The following TNR variants were observed in gnomAD, a reference collection of about 807,000 sequenced individuals.
TNR encodes the protein tenascin-R.
TNR carries 45 observed loss-of-function variants against 150.4 expected under a neutral mutation model. The ratio of observed to expected loss-of-function variants is 0.30; its 90% CI spans 0.24 to 0.38. The LOEUF is 0.38. Among genes scored for constraint, TNR ranks in the 10% least tolerant of loss-of-function variants. The pLI, the probability that TNR is intolerant of heterozygous loss-of-function variation, is 1.00. For synonymous variants in TNR, 687 were observed against 678.4 expected, an observed-to-expected ratio of 1.01 and a Z score of -0.20; for missense variants, 1,544 against 1,759.1, an observed-to-expected ratio of 0.88 and a Z score of 2.19.
intron 2 of TNR, among the ~76,000 whole-genome samples, chr1:175,464,078 A>C (rs1416955375): frequency 6.6e-6 from 1 of 152,266 alleles, no homozygotes; most frequent in Non-Finnish European, 1.5e-5. Flanking sequence ...CTTGATCCTC[A>C]CATGACTAAT....
At chr1:175,510,655 A>G (rs1659131786) in intron 2 of TNR, among the ~76,000 whole-genome samples, 2 of 152,250 alleles carry the variant, frequency 1.3e-5, no homozygotes, top group South Asian at 4.1e-4. Flanking sequence ...TCAGGAAACT[A>G]TAAAAAGAAG....
chr1:175,404,314 G>C (rs1282274188), intron 3 of TNR, among the ~76,000 whole-genome samples: 3 of 152,122 alleles, frequency 2.0e-5, no homozygotes, highest in Admixed American at 2.0e-4. Context: ...CTCCCTCCCT[G>C]CCTGCCATCT....
intron 1 of TNR, among the ~76,000 whole-genome samples, chr1:175,675,796 C>T (rs1006361733): frequency 6.6e-6 from 1 of 152,136 alleles, no homozygotes; most frequent in Non-Finnish European, 1.5e-5. Flanking sequence ...ACAGCTGTCA[C>T]TTTCATTCTG....
chr1:175,564,722 C>G (rs1661571539), intron 1 of TNR, among the ~76,000 whole-genome samples: 2 of 152,100 alleles, frequency 1.3e-5, no homozygotes. Flanking sequence ...CTGAACACAC[C>G]TACACACTGA....
chr1:175,690,170 C>T (rs542833734), intron 1 of TNR, among the ~76,000 whole-genome samples: 35 of 145,194 alleles, frequency 2.4e-4, no homozygotes, highest in Admixed American at 8.7e-4. Flanking sequence ...ATTACATTGC[C>T]GTGGATCTTT....
chr1:175,663,182 G>A (rs186191528), intron 1 of TNR, among the ~76,000 whole-genome samples: 10 of 152,212 alleles, frequency 6.6e-5, no homozygotes, highest in Admixed American at 1.3e-4. Context: ...TCCCCAAGCC[G>A]CCACGCTGGC....
Position 175,335,827 on chromosome 1 carries a change from A to C in TNR, c.3535-20T>G, listed in dbSNP as rs1424103539. 20 of 1,598,092 alleles carry C rather than the reference A, an allele frequency of 1.3e-5. No individual in the cohort carries two copies. The highest frequency in any genetic ancestry group is 1.5e-5 in the Non-Finnish European group (18 of 1,174,142). On this transcript the variant is annotated intron_variant, in intron 19 of 22. Coordinates refer to ENST00000367674, the MANE Select transcript of TNR (RefSeq NM_003285.3). The stretch of plus-strand genomic sequence containing the variant: ...GAATACCTATGAAGGAAATAAAAAA[A>C]CAAAAAACAAACAAACAAAAAAACA...
At chr1:175,521,624 T>A (rs1659642134) in intron 2 of TNR, among the ~76,000 whole-genome samples, 1 of 152,232 alleles carries the variant, frequency 6.6e-6, no homozygotes, top group African/African-American at 2.4e-5. Context: ...CTGTTTTCTC[T>A]TCTCTTTCAT....
intron 2 of TNR, among the ~76,000 whole-genome samples, chr1:175,487,047 C>T (rs145681667): frequency 2.4e-4 from 37 of 152,140 alleles, no homozygotes; most frequent in East Asian, 2.3e-3. Flanking sequence ...GGGTAGATTG[C>T]GAAATTTTTC....
chr1:175,362,100 A>G (rs1372284836), intron 14 of TNR, among the ~76,000 whole-genome samples: 1 of 152,194 alleles, frequency 6.6e-6, no homozygotes, highest in African/African-American at 2.4e-5. Context: ...CATGAGCTAC[A>G]CGGTGCCCCT....
intron 1 of TNR, among the ~76,000 whole-genome samples, chr1:175,635,456 C>T (rs1449873618): frequency 7.2e-5 from 11 of 152,328 alleles, no homozygotes. Context: ...AGTGAGTTTT[C>T]TTATCATGAC....
At chr1:175,526,909 C>G (rs1375114291) in intron 2 of TNR, among the ~76,000 whole-genome samples, 5 of 152,206 alleles carry the variant, frequency 3.3e-5, no homozygotes, top group Non-Finnish European at 7.3e-5. Flanking sequence ...AAGCTATGTT[C>G]TCCTGTGAGG....
chr1:175,415,932 G>T (rs762373308), intron 2 of TNR, among the ~76,000 whole-genome samples: 6 of 152,102 alleles, frequency 3.9e-5, no homozygotes, highest in Non-Finnish European at 8.8e-5. Context: ...ACTGCTGGGG[G>T]TGGGGGCGCC....
At chr1:175,451,224 TTA>T (rs1225402830) in intron 2 of TNR, among the ~76,000 whole-genome samples, 64 of 150,764 alleles carry the variant, frequency 4.2e-4, no homozygotes, top group African/African-American at 1.4e-3. Context: ...TTTAATGTTT[TTA>T]TTTTTTTATT....
chr1:175,504,038 C>T (rs898234397), intron 2 of TNR, among the ~76,000 whole-genome samples: 5 of 152,092 alleles, frequency 3.3e-5, no homozygotes, highest in Admixed American at 1.3e-4. Context: ...GCGGGGTGTA[C>T]GAAGAAGGCT....
intron 20 of TNR, chr1:175,330,628 CA>C (rs1434523629): frequency 1.3e-5 from 2 of 158,232 alleles, no homozygotes; most frequent in Non-Finnish European, 2.8e-5. Context: ...TGATCGAAAG[CA>C]AGAGGTGAAA....
Position 175,416,143 on chromosome 1 carries a change from C to CACACACTA in TNR, c.-63-9367_-63-9366insTAGTGTGT, listed in dbSNP as rs1553218057. On this transcript the variant is annotated intron_variant, in intron 2 of 22. Coordinates refer to ENST00000367674, the MANE Select transcript of TNR (RefSeq NM_003285.3). ...ATATATATATATACACACACACACA[C>CACACACTA]TATATATATAAAACACATATACAAA... Among the ~76,000 whole-genome samples, 3 of 151,566 alleles carry CACACACTA rather than the reference C, an allele frequency of 2.0e-5. No individual in the cohort carries two copies. In the South Asian group the frequency reaches 6.3e-4, roughly 32 times the overall value.
chr1:175,508,111 G>A lies in TNR; in HGVS notation c.-64+20158C>T, dbSNP rs116487691. Among the ~76,000 whole-genome samples, 422 of 152,130 alleles carry A rather than the reference G, an allele frequency of 2.8e-3. 3 individuals carry two copies. The highest frequency in any genetic ancestry group is 1.0e-2 in the South Asian group (48 of 4,808). Reference sequence around the variant, plus strand: ...AAGATCACACAGGAGGGTCTGTCGCGGGGTGGGGGCAAGGGAAGGGAGGGC... The same window carrying A: ...AAGATCACACAGGAGGGTCTGTCGCAGGGTGGGGGCAAGGGAAGGGAGGGC... On this transcript the variant is annotated intron_variant, in intron 2 of 22. Transcript: ENST00000367674.
chr1:175,617,640 G>A (rs534884654), intron 1 of TNR, among the ~76,000 whole-genome samples: 2 of 152,170 alleles, frequency 1.3e-5, no homozygotes, highest in Admixed American at 1.3e-4. Context: ...CTGCTGAATC[G>A]AAATCTAAGA....
Sources: allele counts gnomAD v4.1 joint callset (sites outside exome capture counted in the v4.1 genomes callset), GRCh38; gene constraint gnomAD v4.1.1; transcripts MANE v1.5; gene names NCBI Gene and HGNC (gene_info 2026-07-23, HGNC 2026-07-21).